Variants in ARIH1 observed in about 807,000 individuals in gnomAD.
ARIH1 encodes the protein ariadne RBR E3 ubiquitin protein ligase 1.
A neutral mutation model predicts 85.0 loss-of-function variants in ARIH1; 8 were observed. That is an observed-to-expected ratio of 0.09 (90% CI 0.06 to 0.17). The LOEUF is 0.17. Among genes scored for constraint, ARIH1 ranks in the 10% least tolerant of loss-of-function variants. ARIH1 has a pLI of 1.00. For missense variants in ARIH1, 311 were observed against 718.1 expected (o/e 0.43, Z 6.48); for synonymous variants, 238 against 253.6 (o/e 0.94, Z 0.59).
intron 1 of ARIH1, among the ~76,000 whole-genome samples, chr15:72,506,349 C>CCCAAAAAAA (rs2063924840): frequency 1.6e-4 from 1 of 6,432 alleles, no homozygotes; most frequent in East Asian, 0.038. Flanking sequence ...GACTCCGTCT[C>CCCAAAAAAA]ACAAAAAAAA....
intron 1 of ARIH1, among the ~76,000 whole-genome samples, chr15:72,509,592 T>C (rs1431231402): frequency 6.6e-6 from 1 of 152,126 alleles, no homozygotes; most frequent in African/African-American, 2.4e-5. Flanking sequence ...TCTATTTATT[T>C]TCACTCATTC....
intron 2 of ARIH1, among the ~76,000 whole-genome samples, chr15:72,542,313 T>C (rs1275983218): frequency 6.6e-6 from 1 of 152,100 alleles, no homozygotes; most frequent in Non-Finnish European, 1.5e-5. Context: ...TTAAAGAAGG[T>C]TGAAAGACAA....
Position 72,530,888 on chromosome 15 carries a change from A to G in ARIH1, c.443+12754A>G, listed in dbSNP as rs57484311. Among the ~76,000 whole-genome samples the G allele has an allele frequency of 7.1e-3, 1,089 of 152,352 alleles. 37 individuals carry two copies. Among genetic ancestry groups the G allele is most frequent in the Admixed American group, 0.056 (860 of 15,296 alleles). On this transcript the variant is annotated intron_variant, in intron 2 of 13. Coordinates refer to ENST00000379887, the MANE Select transcript of ARIH1 (RefSeq NM_005744.5). ...ATACAGAAGAGATTAAGAAATACAG[A>G]GGATATAATGAGAAGGTCTCATTGA...
At chr15:72,572,255 T>G (rs765162168) in intron 11 of ARIH1, 90 bp downstream of exon 11, 11 of 597,804 alleles carry the variant, frequency 1.8e-5, no homozygotes, top group Admixed American at 3.0e-5. Flanking sequence ...TTTTTTTTTT[T>G]GAGACAGTGT....
intron 5 of ARIH1, among the ~76,000 whole-genome samples, chr15:72,556,580 T>A (rs2064175714): frequency 6.6e-6 from 1 of 152,194 alleles, no homozygotes; most frequent in Non-Finnish European, 1.5e-5. Flanking sequence ...TTTTTTCTTT[T>A]AACTTTTAGG....
At chr15:72,510,892 G>A (rs1052403811) in intron 1 of ARIH1, among the ~76,000 whole-genome samples, 1 of 150,956 alleles carries the variant, frequency 6.6e-6, no homozygotes, top group Admixed American at 6.6e-5. Context: ...TGCCAGTACT[G>A]TAACTTCATA....
intron 1 of ARIH1, among the ~76,000 whole-genome samples, chr15:72,500,120 A>G (rs533255275): frequency 7.2e-4 from 107 of 148,818 alleles, no homozygotes; most frequent in African/African-American, 2.5e-3. Context: ...TTTGAGTTGG[A>G]GTCTTGCTCT....
At chr15:72,508,944 T>G (rs966887714) in intron 1 of ARIH1, among the ~76,000 whole-genome samples, 3 of 152,072 alleles carry the variant, frequency 2.0e-5, no homozygotes, top group African/African-American at 7.2e-5. Flanking sequence ...TCTACCCGCC[T>G]TAGCTTCCCA....
Position 72,593,405 on chromosome 15 carries a change from T to G in ARIH1, c.*10113T>G, listed in dbSNP as rs2064350676. 1 of 152,184 alleles carries G rather than the reference T, an allele frequency of 6.6e-6. No homozygotes were observed. The highest frequency in any genetic ancestry group is 2.1e-4 in the South Asian group (1 of 4,832). 9.4% of individuals were successfully genotyped at this position (152,184 alleles called of 1,614,324 possible). On this transcript the variant is annotated 3_prime_UTR_variant, in exon 14 of 14. Transcript: ENST00000379887. The stretch of plus-strand genomic sequence containing the variant: ...CTTTATCAGTTTTTTATTTTATGGT[T>G]TTATGACCTCAAAGTCACAAAGAAT...
intron 9 of ARIH1, among the ~76,000 whole-genome samples, chr15:72,568,795 T>A (rs1274551567): frequency 6.6e-6 from 1 of 152,138 alleles, no homozygotes; most frequent in Non-Finnish European, 1.5e-5. Flanking sequence ...TTTCAAAAAT[T>A]TGATTTGAAA....
intron 7 of ARIH1, among the ~76,000 whole-genome samples, chr15:72,563,745 C>G (rs553823663): frequency 6.6e-6 from 1 of 152,212 alleles, no homozygotes; most frequent in South Asian, 2.1e-4. Context: ...ATATACAACT[C>G]TAATCATATC....
At chr15:72,483,675 C>T (rs192530341) in intron 1 of ARIH1, among the ~76,000 whole-genome samples, 1 of 152,168 alleles carries the variant, frequency 6.6e-6, no homozygotes, top group East Asian at 1.9e-4. Context: ...AAATTAATTA[C>T]TTTTGGCTTT....
rs1595875332 is a variant in ARIH1, at chr15:72,579,813, A to G, written c.1216-918A>G. Among the ~76,000 whole-genome samples the G allele has an allele frequency of 3.3e-5, 5 of 152,188 alleles. No individual in the cohort carries two copies. The South Asian group carries it at 1.0e-3, about 32-fold the overall frequency. ...AGTAAATCAGCTTTTTAAATTATTAATATTTTTAATGGACAAATCATAATT... is the reference window on the plus strand; with the variant it reads ...AGTAAATCAGCTTTTTAAATTATTAGTATTTTTAATGGACAAATCATAATT... On this transcript the variant is annotated intron_variant, in intron 11 of 13. Transcript: ENST00000379887.
intron 2 of ARIH1, among the ~76,000 whole-genome samples, chr15:72,534,320 C>T (rs191633065): frequency 6.6e-6 from 1 of 151,436 alleles, no homozygotes; most frequent in Admixed American, 6.6e-5. Flanking sequence ...GGGTAGTGAT[C>T]ATACGTTTAG....
At chr15:72,577,405 G>T (rs991195297) in intron 11 of ARIH1, among the ~76,000 whole-genome samples, 1 of 152,100 alleles carries the variant, frequency 6.6e-6, no homozygotes, top group African/African-American at 2.4e-5. Flanking sequence ...GGGCCCAGTG[G>T]CTCACGCCTG....
In ARIH1 at chr15:72,474,707, G is replaced by C; in HGVS notation, c.68G>C (p.Gly23Ala). The change falls in exon 1 of 14, where the codon GGC becomes GCC. Residue 23 changes from glycine to alanine, a missense_variant. Transcript: ENST00000379887. The part of the protein sequence containing the change: ...EDEECSEEDS[G>A]AEEEEDEDDD... ...GAGGAGTGCAGTGAGGAGGACAGCG[G>C]CGCCGAGGAGGAGGAGGACGAAGAC... The C allele has an allele frequency of 6.4e-7, 1 of 1,568,706 alleles. No homozygotes were observed. Among genetic ancestry groups the C allele is most frequent in the South Asian group, 1.2e-5 (1 of 86,122 alleles).
chr15:72,506,995 TG>T (rs2063928767), intron 1 of ARIH1, among the ~76,000 whole-genome samples: 1 of 138,492 alleles, frequency 7.2e-6, no homozygotes, highest in Non-Finnish European at 1.7e-5. Flanking sequence ...TATGTATGTA[TG>T]TATGTATGTA....
intron 11 of ARIH1, among the ~76,000 whole-genome samples, chr15:72,574,056 A>C (rs1211171312): frequency 2.6e-5 from 4 of 151,928 alleles, no homozygotes; most frequent in African/African-American, 9.7e-5. Flanking sequence ...CATTAACCTG[A>C]TGTATTTATT....
chr15:72,505,854 G>A (rs752874700), intron 1 of ARIH1, among the ~76,000 whole-genome samples: 12 of 152,034 alleles, frequency 7.9e-5, no homozygotes, highest in East Asian at 1.9e-4. Context: ...TCCTTCTTCA[G>A]CCTCCCGAGG....
Sources: allele counts gnomAD v4.1 joint callset (sites outside exome capture counted in the v4.1 genomes callset), GRCh38; gene constraint gnomAD v4.1.1; transcripts MANE v1.5; gene names NCBI Gene and HGNC (gene_info 2026-07-23, HGNC 2026-07-21).